Variants in MCPH1 observed in about 807,000 individuals in gnomAD.
MCPH1 encodes the protein microcephalin 1.
A neutral mutation model predicts 84.5 loss-of-function variants in MCPH1; 104 were observed. That is an observed-to-expected ratio of 1.23 (90% confidence interval 1.05 to 1.45). The LOEUF (loss-of-function observed/expected upper bound fraction) is 1.45, where lower values mean the gene tolerates loss of function less well. Among genes scored for constraint, MCPH1 ranks in the 40% most tolerant of loss-of-function variants. The pLI is 0.00. For synonymous variants in MCPH1, 514 were observed against 366.8 expected (o/e 1.40, Z -4.58); for missense variants, 1,498 against 1,005.7 (o/e 1.49, Z -6.62).
rs200653775 is a variant in MCPH1, at chr8:6,521,148, C to G, written c.2214+21219C>G. 5 of 1,584,572 alleles carry G rather than the reference C, an allele frequency of 3.2e-6. No individual in the cohort carries two copies. In the Admixed American group the frequency reaches 8.4e-5, roughly 27 times the overall value. On this transcript the variant is annotated intron_variant, in intron 12 of 13. Coordinates refer to ENST00000344683, the MANE Select transcript of MCPH1 (RefSeq NM_024596.5). ...TGTTTTACTGACTAAAGGTTATTAA[C>G]GCTGAAGAAAGCATGATATGTAAAC...
chr8:6,557,248 G>T (rs1824772343), intron 12 of MCPH1, among the ~76,000 whole-genome samples: 1 of 152,102 alleles, frequency 6.6e-6, no homozygotes, highest in African/African-American at 2.4e-5. Flanking sequence ...CTACTAAACT[G>T]CAGAGGGTAC....
chr8:6,517,895 T>C (rs564061479), intron 12 of MCPH1, among the ~76,000 whole-genome samples: 1 of 152,326 alleles, frequency 6.6e-6, no homozygotes, highest in African/African-American at 2.4e-5. Flanking sequence ...ACACCACTTA[T>C]TTTTCAAGAT....
intron 12 of MCPH1, among the ~76,000 whole-genome samples, chr8:6,580,137 G>T (rs1287948033): frequency 6.6e-6 from 1 of 152,194 alleles, no homozygotes; most frequent in East Asian, 1.9e-4. Flanking sequence ...GCTATGGTGG[G>T]AAGATGACTC....
intron 3 of MCPH1, among the ~76,000 whole-genome samples, chr8:6,422,712 T>G (rs975191508): frequency 1.3e-5 from 2 of 152,208 alleles, no homozygotes; most frequent in Admixed American, 1.3e-4. Context: ...TTCTGGAGAC[T>G]GAGTCTCACT....
chr8:6,617,900 A>AATCTATCTAATCTATCT (rs1830994557), intron 12 of MCPH1, among the ~76,000 whole-genome samples: 4 of 143,134 alleles, frequency 2.8e-5, no homozygotes, highest in Non-Finnish European at 4.5e-5. Context: ...CTATCTATCT[A>AATCTATCTAATCTATCT]ATCTATCTAT....
intron 12 of MCPH1, among the ~76,000 whole-genome samples, chr8:6,607,033 C>G (rs1371235799): frequency 6.6e-6 from 1 of 152,208 alleles, no homozygotes; most frequent in Non-Finnish European, 1.5e-5. Flanking sequence ...CAGACTAATG[C>G]ATTTGGAAAC....
intron 12 of MCPH1, among the ~76,000 whole-genome samples, chr8:6,539,091 G>T (rs1193407390): frequency 6.6e-6 from 1 of 152,124 alleles, no homozygotes. Context: ...TGTGTACTCA[G>T]CAGTACTTCA....
intron 12 of MCPH1, among the ~76,000 whole-genome samples, chr8:6,601,431 G>A (rs1048241358): frequency 2.8e-4 from 42 of 151,896 alleles, no homozygotes; most frequent in South Asian, 1.0e-3. Flanking sequence ...CCGGCTGCCC[G>A]TACGGGACTG....
intron 12 of MCPH1, among the ~76,000 whole-genome samples, chr8:6,509,605 C>T (rs960268332): frequency 2.6e-5 from 4 of 152,140 alleles, no homozygotes; most frequent in African/African-American, 9.7e-5. Flanking sequence ...TGTAATTAAA[C>T]TTTTAGACAT....
chr8:6,440,655 G>A (rs536085863), intron 6 of MCPH1, among the ~76,000 whole-genome samples: 6 of 152,224 alleles, frequency 3.9e-5, no homozygotes, highest in African/African-American at 1.2e-4. Context: ...TTTTTCAGTC[G>A]GAAGCTTGAA....
At chr8:6,480,898 C>G in intron 11 of MCPH1, 22 bp downstream of exon 11, 1 of 1,612,380 alleles carries the variant, frequency 6.2e-7, no homozygotes, top group Non-Finnish European at 8.5e-7. Context: ...GTGTGAACTG[C>G]GTATTTTAAA....
chr8:6,472,704 G>A (rs1807905412), intron 9 of MCPH1, among the ~76,000 whole-genome samples: 2 of 152,234 alleles, frequency 1.3e-5, no homozygotes, highest in Middle Eastern at 3.4e-3. Context: ...CTGACCTCAG[G>A]TAATCCACCC....
chr8:6,592,423 G>A (rs543845510), intron 12 of MCPH1, among the ~76,000 whole-genome samples: 4 of 151,970 alleles, frequency 2.6e-5, no homozygotes, highest in African/African-American at 9.7e-5. Context: ...TTTTATTATA[G>A]TTGTTTCCAT....
chr8:6,510,459 A>G (rs1055117695), intron 12 of MCPH1, among the ~76,000 whole-genome samples: 1 of 152,214 alleles, frequency 6.6e-6, no homozygotes, highest in African/African-American at 2.4e-5. Context: ...AATTTCTAAC[A>G]GTTTGTATTG....
At position 6,645,017 on chromosome 8, in the gene MCPH1, C is replaced by T. The variant is rs1798145481; in HGVS notation, c.*1968C>T. The T allele has an allele frequency of 6.6e-6, 1 of 152,286 alleles. No individual in the cohort carries two copies. Among genetic ancestry groups the T allele is most frequent in the African/African-American group, 2.4e-5 (1 of 41,468 alleles). 9.4% of individuals were successfully genotyped at this position (152,286 alleles called of 1,614,324 possible). On this transcript the variant is annotated 3_prime_UTR_variant, in exon 14 of 14. Coordinates refer to ENST00000344683, the MANE Select transcript of MCPH1 (RefSeq NM_024596.5). ...GTCATTCCTGAGTTCACTCGCTTCA[C>T]ATTACATATGTTTCTCTATAACCAC... is the stretch of plus-strand genomic sequence containing the variant.
chr8:6,594,184 G>A (rs1266189956), intron 12 of MCPH1, among the ~76,000 whole-genome samples: 3 of 152,224 alleles, frequency 2.0e-5, no homozygotes, highest in South Asian at 2.1e-4. Context: ...CCCGCTCCCC[G>A]TGTGCCCAGG....
intron 12 of MCPH1, among the ~76,000 whole-genome samples, chr8:6,573,507 A>G (rs1826831462): frequency 1.3e-5 from 2 of 152,220 alleles, no homozygotes; most frequent in Admixed American, 1.3e-4. Flanking sequence ...AAGCATCTGT[A>G]AAATGACAAG....
Position 6,536,104 on chromosome 8 carries a change from A to G in MCPH1, c.2214+36175A>G, listed in dbSNP as rs969606395. On this transcript the variant is annotated intron_variant, in intron 12 of 13. Transcript: ENST00000344683. The stretch of plus-strand genomic sequence containing the variant: ...TAAAAGTAAAAATACTTATGTTCTT[A>G]CTCTTGAAGTCATTAAATTAAGGTT... Among the ~76,000 whole-genome samples, 6 of 152,222 alleles carry G rather than the reference A, an allele frequency of 3.9e-5. No homozygotes were observed. The South Asian group carries it at 1.0e-3, about 26-fold the overall frequency.
chr8:6,550,212 G>A (rs1823384603), intron 12 of MCPH1, among the ~76,000 whole-genome samples: 1 of 152,202 alleles, frequency 6.6e-6, no homozygotes, highest in South Asian at 2.1e-4. Flanking sequence ...TTACTCACTG[G>A]CTACCGCTAG....
Sources: allele counts gnomAD v4.1 joint callset (sites outside exome capture counted in the v4.1 genomes callset), GRCh38; gene constraint gnomAD v4.1.1; transcripts MANE v1.5; gene names NCBI Gene and HGNC (gene_info 2026-07-23, HGNC 2026-07-21).